Variants in FAHD1 observed in about 807,000 individuals in gnomAD.
The protein encoded by FAHD1 is FAH domain containing oxaloacetate decarboxylase 1.
FAHD1 carries 14 observed loss-of-function variants against 12.7 expected under a neutral mutation model. The ratio of observed to expected loss-of-function variants is 1.10; its 90% confidence interval spans 0.73 to 1.72. FAHD1 has a LOEUF of 1.72. Ranked by LOEUF, FAHD1 falls within the 40% of genes most tolerant of loss-of-function variation. FAHD1 has a pLI of 0.00. For missense variants in FAHD1, 351 were observed against 298.9 expected (o/e 1.17, Z -1.29); for synonymous variants, 153 against 124.9 (o/e 1.22, Z -1.50).
At chr16:1,838,833 A>C (rs1036933115) in intron 2 of FAHD1, among the ~76,000 whole-genome samples, 33 of 152,248 alleles carry the variant, frequency 2.2e-4, no homozygotes, top group African/African-American at 7.2e-4. Context: ...CTAGGATTAC[A>C]AGTGCACGTC....
intron 1 of FAHD1, among the ~76,000 whole-genome samples, chr16:1,834,599 A>G (rs1398440647): frequency 6.6e-6 from 1 of 152,226 alleles, no homozygotes; most frequent in East Asian, 1.9e-4. Context: ...GTCACTTTTC[A>G]TGCTATTTCT....
At position 1,828,741 on chromosome 16, in the gene FAHD1, GTGAAAAACAC is replaced by G. The variant is rs1301994743; in HGVS notation, c.*839_*848del. 5 of 975,282 alleles carry G rather than the reference GTGAAAAACAC, an allele frequency of 5.1e-6. No homozygotes were observed. The African/African-American group carries it at 7.1e-5, about 14-fold the overall frequency. The allele number at this position is 975,282 out of a possible 1,614,324, so 60.4% of individuals were successfully genotyped here. On this transcript the variant is annotated 3_prime_UTR_variant, in exon 1 of 1. Transcript: ENST00000427358. ...TTCCAAGTGATTCTTATCAGGAAAT[GTGAAAAACAC>G]TCCTGTACATAATCGGTTAATTTAA... is the stretch of plus-strand genomic sequence containing the variant.
chr16:1,836,608 C>G (rs9652777), intron 1 of FAHD1, among the ~76,000 whole-genome samples: 27,385 of 150,904 alleles, frequency 0.18, 2,950 homozygotes, highest in South Asian at 0.27. Context: ...AGAAATATTG[C>G]TAAGGCCACT....
chr16:1,833,301 G>C (rs185631806), downstream of FAHD1, among the ~76,000 whole-genome samples: 1 of 152,204 alleles, frequency 6.6e-6, no homozygotes, highest in East Asian at 1.9e-4. Context: ...TTTGAAGTTG[G>C]TCTCCTCCCA....
downstream of FAHD1, among the ~76,000 whole-genome samples, chr16:1,833,554 CTTTTTTTT>C (rs769668788): frequency 4.4e-5 from 5 of 114,290 alleles, no homozygotes; most frequent in African/African-American, 7.0e-5. Context: ...TTTAGAGGTA[CTTTTTTTT>C]TTTTTTTTTT....
Position 1,839,672 on chromosome 16 carries a change from TC to T in FAHD1, c.*422del. 3 of 437,140 alleles carry T rather than the reference TC, an allele frequency of 6.9e-6. No individual in the cohort carries two copies. In the South Asian group the frequency reaches 9.8e-5, roughly 14 times the overall value. The allele number at this position is 437,140 out of a possible 1,614,324, so 27.1% of individuals were successfully genotyped here. A position where few individuals can be genotyped will look rare whatever the true frequency, so the allele number is the denominator to read the frequency against. On this transcript the variant is annotated 3_prime_UTR_variant, in exon 3 of 3. Coordinates refer to the FAHD1 transcript ENST00000382666. ...ACACCAGTCCTCTGCCTGCCCTCCT[TC>T]CCTCCCTCTGCCAAGCCCTCGAGGT...
At chr16:1,832,178 CTTTTTTT>C (rs57889123), downstream of FAHD1, among the ~76,000 whole-genome samples, 1 of 108,838 alleles carries the variant, frequency 9.2e-6, no homozygotes, top group Non-Finnish European at 1.8e-5. Flanking sequence ...TATGGTCATT[CTTTTTTT>C]TTTTTTTTGA....
At chr16:1,828,084 A>T in exon 1 of FAHD1, 1 of 1,211,154 alleles carries the variant, frequency 8.3e-7, no homozygotes, top group Non-Finnish European at 1.1e-6. Context: ...GATCCAGACC[A>T]TCTTGGCTAA....
At chr16:1,839,350 TGAGA>T (rs751791205) in exon 3 of FAHD1, 36 of 1,614,108 alleles carry the variant, frequency 2.2e-5, no homozygotes, top group Non-Finnish European at 3.1e-5. Context: ...ACATGGAAAC[TGAGA>T]AAGACAGATT....
chr16:1,830,116 G>T (rs1215606453), downstream of FAHD1, among the ~76,000 whole-genome samples: 1 of 152,228 alleles, frequency 6.6e-6, no homozygotes, highest in Non-Finnish European at 1.5e-5. Context: ...ACCCGCCTGG[G>T]CGTCCCAAAG....
At chr16:1,839,502 GA>G (rs1898841982) in exon 3 of FAHD1, 2 of 1,430,036 alleles carry the variant, frequency 1.4e-6, no homozygotes, top group Non-Finnish European at 1.9e-6. Context: ...ATCTGTAGCA[GA>G]AAAAGAATTG....
intron 1 of FAHD1, among the ~76,000 whole-genome samples, chr16:1,835,798 A>G (rs1898728588): frequency 6.6e-6 from 1 of 152,146 alleles, no homozygotes; most frequent in Admixed American, 6.6e-5. Flanking sequence ...AGGTTCATCT[A>G]CAAGCAAACC....
chr16:1,827,355 C>G (rs888066927), exon 1 of FAHD1: 1 of 1,613,070 alleles, frequency 6.2e-7, no homozygotes, highest in Non-Finnish European at 8.5e-7. Context: ...TGAGCGAGCC[C>G]GTGCTGTTCC....
downstream of FAHD1, among the ~76,000 whole-genome samples, chr16:1,830,939 CA>C (rs1567269167): frequency 1.2e-3 from 151 of 121,928 alleles, 1 homozygote; most frequent in African/African-American, 3.1e-3. Context: ...CACACACACA[CA>C]CACACCCATA....
intron 2 of FAHD1, among the ~76,000 whole-genome samples, chr16:1,838,765 C>T (rs1898816836): frequency 6.6e-6 from 1 of 152,060 alleles, no homozygotes; most frequent in Non-Finnish European, 1.5e-5. Flanking sequence ...GATCTTGGCT[C>T]ACTGCAACTT....
At chr16:1,828,938 C>T, downstream of FAHD1, 1 of 999,308 alleles carries the variant, frequency 1.0e-6, no homozygotes, top group Non-Finnish European at 1.2e-6. Flanking sequence ...TTTTTTTCCC[C>T]CCAGTAATGA....
intron 2 of FAHD1, among the ~76,000 whole-genome samples, chr16:1,838,691 G>GT (rs879708755): frequency 3.0e-4 from 44 of 148,460 alleles, no homozygotes; most frequent in Middle Eastern, 3.4e-3. Flanking sequence ...TTAGTGTTTT[G>GT]TTTTTTTTTT....
In FAHD1 at chr16:1,828,456, T is replaced by C. The variant is rs148196681; in HGVS notation, c.*552T>C. ...ATCAAACCAAATGTTAAAAAGACTTTCCTTTTGTAAAACTGGATTAGAGAA... is the reference window on the plus strand; with the variant it reads ...ATCAAACCAAATGTTAAAAAGACTTCCCTTTTGTAAAACTGGATTAGAGAA... On this transcript the variant is annotated 3_prime_UTR_variant, in exon 1 of 1. Coordinates refer to ENST00000427358, the Ensembl canonical transcript of FAHD1. The C allele has an allele frequency of 2.0e-4, 199 of 1,000,968 alleles. 1 individual carries two copies. The African/African-American group carries it at 3.2e-3, about 16-fold the overall frequency. 62.0% of individuals were successfully genotyped at this position (1,000,968 alleles called of 1,614,324 possible).
exon 3 of FAHD1, chr16:1,839,738 C>G (rs140234821): frequency 3.1e-5 from 9 of 292,112 alleles, no homozygotes; most frequent in African/African-American, 1.8e-4. Context: ...CCTCCCTTCT[C>G]GTATCCCAGC....
Sources: gnomAD v4.1 joint callset for allele counts (sites outside exome capture counted in the v4.1 genomes callset) on GRCh38, gnomAD v4.1.1 for gene constraint, MANE v1.5 for transcripts, NCBI Gene and HGNC (gene_info 2026-07-23, HGNC 2026-07-21) for gene names.